UPP2: variants seen among roughly 807,000 people sequenced by gnomAD.
UPP2 encodes the protein uridine phosphorylase 2.
UPP2 carries 23 observed loss-of-function variants against 26.7 expected under a neutral mutation model. That is an observed-to-expected ratio of 0.86 (90% CI 0.62 to 1.22). The LOEUF is 1.22. UPP2 is among the 50% of genes most tolerant of loss of function. The probability of loss-of-function intolerance (pLI) is 0.00; values close to 1 mark genes in which losing one functional copy is unlikely to be tolerated. For missense variants in UPP2, 387 were observed against 396.7 expected (o/e 0.98, Z 0.21); for synonymous variants, 127 against 141.3 (o/e 0.90, Z 0.72).
At chr2:158,054,043 G>T (rs1437140941) in intron 3 of UPP2, among the ~76,000 whole-genome samples, 4 of 152,138 alleles carry the variant, frequency 2.6e-5, no homozygotes, top group Non-Finnish European at 5.9e-5. Context: ...GACCGAGGTG[G>T]GTGGATTACC....
At chr2:158,034,737 T>C (rs948332098) in intron 3 of UPP2, among the ~76,000 whole-genome samples, 3 of 152,252 alleles carry the variant, frequency 2.0e-5, no homozygotes, top group Non-Finnish European at 4.4e-5. Context: ...ATTATGTCTA[T>C]GCCTCTGCTG....
intron 2 of UPP2, among the ~76,000 whole-genome samples, chr2:158,002,121 G>A (rs1224796117): frequency 6.6e-6 from 1 of 152,016 alleles, no homozygotes; most frequent in Admixed American, 6.6e-5. Flanking sequence ...GTGCTTACAG[G>A]GGAAGCCAAG....
At chr2:158,019,838 T>G (rs960807727) in intron 3 of UPP2, among the ~76,000 whole-genome samples, 4 of 152,166 alleles carry the variant, frequency 2.6e-5, no homozygotes, top group Non-Finnish European at 2.9e-5. Context: ...CAGGAGTTTT[T>G]TAGAGTGATA....
At chr2:158,025,978 T>C (rs1683827170) in intron 3 of UPP2, among the ~76,000 whole-genome samples, 1 of 152,076 alleles carries the variant, frequency 6.6e-6, no homozygotes, top group South Asian at 2.1e-4. Context: ...AAAGAGGACA[T>C]AATCGAGGGA....
At chr2:158,107,619 C>A (rs1473846874) in intron 2 of UPP2, among the ~76,000 whole-genome samples, 1 of 150,524 alleles carries the variant, frequency 6.6e-6, no homozygotes, top group Non-Finnish European at 1.5e-5. Context: ...AGGTTGGAGG[C>A]AGAGGAAAAG....
chr2:158,084,544 G>T (rs1396771894), intron 3 of UPP2, among the ~76,000 whole-genome samples: 2 of 152,028 alleles, frequency 1.3e-5, no homozygotes, highest in African/African-American at 4.8e-5. Flanking sequence ...TTGCTTTCGG[G>T]TTCTTGGTCA....
chr2:158,130,827 C>T (rs918469146), intron 6 of UPP2, among the ~76,000 whole-genome samples: 3 of 152,168 alleles, frequency 2.0e-5, no homozygotes, highest in Admixed American at 6.5e-5. Context: ...TTTCCCAACA[C>T]CCATCCCCAA....
chr2:158,106,331 A>G, intron 2 of UPP2, 115 bp downstream of exon 2: 1 of 778,258 alleles, frequency 1.3e-6, no homozygotes, highest in Non-Finnish European at 2.1e-6. Flanking sequence ...ATAGGAACTG[A>G]AGTCACACTC....
chr2:158,056,729 C>G (rs1682251616), intron 3 of UPP2, among the ~76,000 whole-genome samples: 1 of 152,224 alleles, frequency 6.6e-6, no homozygotes. Flanking sequence ...GGCAGTCGTA[C>G]TGGATTCAGG....
chr2:158,112,705 A>G (rs58631022), intron 2 of UPP2, among the ~76,000 whole-genome samples: 1 of 152,212 alleles, frequency 6.6e-6, no homozygotes, highest in South Asian at 2.1e-4. Context: ...TAGAAATTTT[A>G]GTAATATGCA....
intron 3 of UPP2, among the ~76,000 whole-genome samples, chr2:158,117,518 G>A (rs371718333): frequency 6.6e-6 from 1 of 151,952 alleles, no homozygotes; most frequent in East Asian, 1.9e-4. Flanking sequence ...GGGAAGATGG[G>A]AAATGGCACC....
At chr2:158,108,152 T>G (rs1229711156) in intron 2 of UPP2, among the ~76,000 whole-genome samples, 1 of 152,216 alleles carries the variant, frequency 6.6e-6, no homozygotes, top group African/African-American at 2.4e-5. Context: ...TGATTTGCTA[T>G]CTACATATCT....
At chr2:158,096,315 T>G (rs1023622469) in intron 3 of UPP2, among the ~76,000 whole-genome samples, 1 of 152,120 alleles carries the variant, frequency 6.6e-6, no homozygotes, top group Non-Finnish European at 1.5e-5. Flanking sequence ...AATAAAATAG[T>G]GGGCCAGGTG....
At chr2:158,122,976 G>A (rs943681373) in intron 5 of UPP2, among the ~76,000 whole-genome samples, 1 of 152,126 alleles carries the variant, frequency 6.6e-6, no homozygotes, top group African/African-American at 2.4e-5. Context: ...AAAAAGAGAG[G>A]AAAGAGCACC....
intron 3 of UPP2, among the ~76,000 whole-genome samples, chr2:158,020,250 G>C (rs1320213937): frequency 6.6e-6 from 1 of 152,204 alleles, no homozygotes; most frequent in Admixed American, 6.5e-5. Flanking sequence ...TTCTCCTTCT[G>C]ACTTCACTGC....
chr2:158,090,821 C>G (rs985160925), intron 3 of UPP2, among the ~76,000 whole-genome samples: 8 of 152,092 alleles, frequency 5.3e-5, no homozygotes, highest in African/African-American at 1.7e-4. Flanking sequence ...CACTGAGGCC[C>G]AGAGAGGATC....
At chr2:158,064,375 G>C (rs1057359756) in intron 3 of UPP2, among the ~76,000 whole-genome samples, 4 of 151,222 alleles carry the variant, frequency 2.6e-5, no homozygotes, top group Non-Finnish European at 5.9e-5. Flanking sequence ...TCATATGTTT[G>C]TTGGCCACAT....
intron 3 of UPP2, among the ~76,000 whole-genome samples, chr2:158,037,390 A>C (rs776628020): frequency 8.5e-5 from 13 of 152,146 alleles, no homozygotes; most frequent in Non-Finnish European, 1.6e-4. Context: ...AAGAAAAAAG[A>C]AAAAAATCCT....
chr2:158,066,913 T>G (rs1255928623), intron 3 of UPP2, among the ~76,000 whole-genome samples: 2 of 152,168 alleles, frequency 1.3e-5, no homozygotes, highest in Admixed American at 1.3e-4. Flanking sequence ...TGCCCTTTAA[T>G]TTAGTAAAAT....
Sources: gnomAD v4.1 joint callset for allele counts (sites outside exome capture counted in the v4.1 genomes callset) on GRCh38, gnomAD v4.1.1 for gene constraint, MANE v1.5 for transcripts, NCBI Gene and HGNC (gene_info 2026-07-23, HGNC 2026-07-21) for gene names.